The following ZNF469 variants were observed in gnomAD, a reference collection of about 807,000 sequenced individuals.
ZNF469 encodes zinc finger protein 469.
A neutral mutation model predicts 1.0 loss-of-function variants in ZNF469; 1 was observed. The ratio of observed to expected loss-of-function variants is 1.00; its 90% CI spans 0.35 to 4.73. The LOEUF is 4.73. ZNF469 is among the 30% of genes most tolerant of loss of function. ZNF469 has a pLI of 0.16. For missense variants in ZNF469, 6,100 were observed against 5,356.3 expected, an observed-to-expected ratio of 1.14 and a Z score of -4.33; for synonymous variants, 2,703 against 2,363.4, an observed-to-expected ratio of 1.14 and a Z score of -4.17.
the ZNF469 span, among the ~76,000 whole-genome samples, chr16:88,335,292 G>A: frequency 1.6e-4 from 24 of 152,206 alleles, no homozygotes; most frequent in Non-Finnish European, 3.5e-4. Flanking sequence ...TTAACTCCCT[G>A]GTTAGTACAT....
chr16:88,430,484 G>T lies in ZNF469; in HGVS notation c.3014G>T (p.Arg1005Leu), dbSNP rs1203529194. ...RRPRTQAPGS[R>L]ADPAPRVPRA... ...CCTAGAACGCAGGCCCCCGGGAGCC[G>T]CGCAGACCCCGCGCCCCGGGTCCCG... The change falls in exon 3 of 3, where the codon CGC (arginine) becomes CTC (leucine). Residue 1005 changes from arginine (R) to leucine (L), a missense_variant. Arg to Leu is a moderately radical substitution (Grantham distance 102). Transcript: ENST00000565624. The T allele has an allele frequency of 7.0e-7, 1 of 1,424,252 alleles. No homozygotes were observed. The allele number at this position is 1,424,252 out of a possible 1,614,324, so 88.2% of individuals were successfully genotyped here.
At chr16:88,117,030 G>C in the ZNF469 span, among the ~76,000 whole-genome samples, 1 of 152,318 alleles carries the variant, frequency 6.6e-6, no homozygotes, top group African/African-American at 2.4e-5. Flanking sequence ...AACCGGCCCT[G>C]TGGGTCATGC....
chr16:88,156,349 A>G, the ZNF469 span, among the ~76,000 whole-genome samples: 1 of 152,176 alleles, frequency 6.6e-6, no homozygotes, highest in African/African-American at 2.4e-5. Flanking sequence ...CTTTCTTCTA[A>G]GGCTTTTATA....
chr16:88,412,707 C>A (rs1217103484), intron 1 of ZNF469, among the ~76,000 whole-genome samples: 1 of 152,248 alleles, frequency 6.6e-6, no homozygotes, highest in East Asian at 1.9e-4. Context: ...AGTGGGTGAA[C>A]GGGGGACCTC....
At chr16:88,178,883 GCCCACCAC>G in the ZNF469 span, 1 of 147,340 alleles carries the variant, frequency 6.8e-6, no homozygotes, top group Non-Finnish European at 1.5e-5. Flanking sequence ...CCTGGAGGCC[GCCCACCAC>G]CTTCACCTGG....
the ZNF469 span, among the ~76,000 whole-genome samples, chr16:88,278,567 G>T: frequency 1.7e-5 from 2 of 118,460 alleles, no homozygotes; most frequent in African/African-American, 5.9e-5. Flanking sequence ...CGCTTGGTCA[G>T]TACCATGTAG....
At chr16:88,390,493 A>G (rs1256723258) in intron 1 of ZNF469, among the ~76,000 whole-genome samples, 1 of 152,170 alleles carries the variant, frequency 6.6e-6, no homozygotes, top group African/African-American at 2.4e-5. Flanking sequence ...GGGAACCCCC[A>G]CTGCTCCTCC....
chr16:88,259,831 A>C, the ZNF469 span, among the ~76,000 whole-genome samples: 9 of 152,188 alleles, frequency 5.9e-5, no homozygotes, highest in African/African-American at 2.2e-4. The surrounding 1 kb of genome is among the most constrained non-coding windows in gnomAD (Gnocchi z 4.1). Flanking sequence ...GGCTCCGCCG[A>C]AGACCCTCCT....
Position 88,438,059 on chromosome 16 carries a change from C to G in ZNF469, c.10589C>G (p.Pro3530Arg). 6.4e-7 allele frequency: 1 copy of G among 1,550,412 alleles called. No homozygotes were observed. The highest frequency in any genetic ancestry group is 8.7e-7 in the Non-Finnish European group (1 of 1,146,970). Residue 3530 changes from proline to arginine, a missense_variant, in exon 3 of 3, where the codon CCT becomes CGT. Coordinates refer to ENST00000565624, the MANE Select transcript of ZNF469 (RefSeq NM_001367624.2). ...TKGWPETLER[P>R]VDPVTHPIRG... ...GGATGGCCCGAGACCCTAGAGAGGC[C>G]TGTAGACCCCGTGACCCACCCGATC... is the stretch of plus-strand genomic sequence containing the variant.
the ZNF469 span, chr16:88,195,157 G>C: frequency 6.6e-6 from 1 of 152,218 alleles, no homozygotes; most frequent in Admixed American, 6.5e-5. Context: ...AATACAGCTG[G>C]CTGTGTTGTA....
At chr16:88,229,088 C>A in the ZNF469 span, among the ~76,000 whole-genome samples, 5 of 152,184 alleles carry the variant, frequency 3.3e-5, no homozygotes, top group Admixed American at 1.3e-4. Flanking sequence ...TCCAAAACTT[C>A]AAACATGAGA....
chr16:88,400,878 C>G (rs12448553), intron 1 of ZNF469, among the ~76,000 whole-genome samples: 21,088 of 151,680 alleles, frequency 0.14, 2,048 homozygotes, highest in African/African-American at 0.28. Context: ...CCACTAGGGA[C>G]CAAGCAGAGG....
chr16:88,204,272 A>C, the ZNF469 span, among the ~76,000 whole-genome samples: 503 of 152,162 alleles, frequency 3.3e-3, 4 homozygotes, highest in African/African-American at 0.011. Context: ...CCCATAGAGC[A>C]GCCGGAGGTG....
intron 1 of ZNF469, among the ~76,000 whole-genome samples, chr16:88,405,314 C>T (rs1904997464): frequency 6.6e-6 from 1 of 152,142 alleles, no homozygotes; most frequent in African/African-American, 2.4e-5. Context: ...TGTGGTTTGG[C>T]CACCACTGTT....
chr16:88,224,999 C>A, the ZNF469 span, among the ~76,000 whole-genome samples: 1 of 152,208 alleles, frequency 6.6e-6, no homozygotes, highest in African/African-American at 2.4e-5. Context: ...ACCCTAACCT[C>A]CGCCTCTGAC....
chr16:88,315,203 T>C, the ZNF469 span, among the ~76,000 whole-genome samples: 1 of 152,206 alleles, frequency 6.6e-6, no homozygotes, highest in African/African-American at 2.4e-5. Context: ...CCTAAGGTTG[T>C]GCGGCTTGGT....
the ZNF469 span, among the ~76,000 whole-genome samples, chr16:88,190,140 A>G: frequency 1.3e-5 from 2 of 152,170 alleles, no homozygotes; most frequent in African/African-American, 2.4e-5. Flanking sequence ...CTCAAGCCAC[A>G]CAAACAGCTA....
chr16:88,318,203 G>A, the ZNF469 span, among the ~76,000 whole-genome samples: 5 of 152,214 alleles, frequency 3.3e-5, no homozygotes, highest in African/African-American at 9.6e-5. Flanking sequence ...GAGGGAGGCC[G>A]CTGGTTCTCC....
At chr16:88,344,646 C>T in the ZNF469 span, among the ~76,000 whole-genome samples, 7 of 152,136 alleles carry the variant, frequency 4.6e-5, no homozygotes, top group East Asian at 1.9e-4. Flanking sequence ...AGGCGGTGCC[C>T]GGGCCCTCTC....
Sources: gnomAD v4.1 joint callset for allele counts (sites outside exome capture counted in the v4.1 genomes callset) on GRCh38, gnomAD v4.1.1 for gene constraint, Gnocchi (gnomAD v3.1) non-coding constraint, MANE v1.5 for transcripts, NCBI Gene and HGNC (gene_info 2026-07-23, HGNC 2026-07-21) for gene names.